The following PTPN14 variants were observed in gnomAD, a reference collection of about 807,000 sequenced individuals.
The protein encoded by PTPN14 is tyrosine-protein phosphatase non-receptor type 14.
In PTPN14, 53 loss-of-function variants were observed where a neutral mutation model predicts 126.8. That is an observed-to-expected ratio of 0.42 (90% CI 0.34 to 0.53). PTPN14 has a LOEUF of 0.53. Ranked by LOEUF, PTPN14 falls within the 20% of genes least tolerant of loss-of-function variation. PTPN14 has a pLI of 0.08. For synonymous variants in PTPN14, 630 were observed against 599.3 expected (o/e 1.05, Z -0.75); for missense variants, 1,257 against 1,552.9 (o/e 0.81, Z 3.20).
At chr1:214,457,330 T>C (rs1660406040) in intron 2 of PTPN14, among the ~76,000 whole-genome samples, 1 of 152,196 alleles carries the variant, frequency 6.6e-6, no homozygotes, top group African/African-American at 2.4e-5. Flanking sequence ...TTAAAAGCTT[T>C]TTTACACTCT....
At position 214,369,438 on chromosome 1, in the gene PTPN14, TG is replaced by T. The variant is rs751111529; in HGVS notation, c.3271+18del. ...CATAAAAGTCAGTCAGGTAGCAGAC[TG>T]GGAAGAAAAACACTTACATAAAAAT... On this transcript the variant is annotated intron_variant, in intron 17 of 18. Coordinates refer to ENST00000366956, the MANE Select transcript of PTPN14 (RefSeq NM_005401.5). 2 of 1,603,546 alleles carry T rather than the reference TG, an allele frequency of 1.2e-6. No homozygotes were observed. Among genetic ancestry groups the T allele is most frequent in the Non-Finnish European group, 1.7e-6 (2 of 1,170,614 alleles).
In PTPN14 at chr1:214,356,513, G is replaced by C. The variant is rs1304979380; in HGVS notation, c.*1409C>G. On this transcript the variant is annotated 3_prime_UTR_variant, in exon 19 of 19. Coordinates refer to ENST00000366956, the MANE Select transcript of PTPN14 (RefSeq NM_005401.5). ...GTAAGAGGAAAAAAGTACAAAACATGATTTATTGTGTACCATCCTTGGAAA... is the reference window on the plus strand; with the variant it reads ...GTAAGAGGAAAAAAGTACAAAACATCATTTATTGTGTACCATCCTTGGAAA... 6.6e-6 allele frequency: 1 copy of C among 152,166 alleles called. No homozygotes were observed. The highest frequency in any genetic ancestry group is 6.5e-5 in the Admixed American group (1 of 15,284). The allele number at this position is 152,166 out of a possible 1,614,324, so 9.4% of individuals were successfully genotyped here. A position where few individuals can be genotyped will look rare whatever the true frequency, so the allele number is the denominator to read the frequency against.
chr1:214,503,109 T>C (rs1186393398), intron 1 of PTPN14, among the ~76,000 whole-genome samples: 1 of 152,176 alleles, frequency 6.6e-6, no homozygotes, highest in Non-Finnish European at 1.5e-5. Flanking sequence ...TAGCATACAC[T>C]TGGAGAAACA....
intron 1 of PTPN14, among the ~76,000 whole-genome samples, chr1:214,485,415 G>A (rs1172346078): frequency 6.6e-6 from 1 of 152,194 alleles, no homozygotes; most frequent in African/African-American, 2.4e-5. Flanking sequence ...GGAACAAGAG[G>A]AGCATTTCAT....
At chr1:214,390,863 T>A (rs1658733624) in intron 11 of PTPN14, 125 bp downstream of exon 11, 6 of 712,856 alleles carry the variant, frequency 8.4e-6, no homozygotes, top group Non-Finnish European at 1.3e-5. Flanking sequence ...CTTGACAGAA[T>A]GACGCCTCTG....
chr1:214,414,779 T>C, intron 3 of PTPN14, 53 bp from the exon 4 acceptor site: 3 of 1,416,144 alleles, frequency 2.1e-6, no homozygotes, highest in South Asian at 2.3e-5. Flanking sequence ...ACTTGGAATA[T>C]ATTCCCACAA....
chr1:214,474,867 C>T (rs1179044653), intron 1 of PTPN14, among the ~76,000 whole-genome samples: 1 of 152,194 alleles, frequency 6.6e-6, no homozygotes, highest in African/African-American at 2.4e-5. Context: ...TCCAGAGAGA[C>T]ATGATTTTCC....
intron 1 of PTPN14, among the ~76,000 whole-genome samples, chr1:214,497,513 T>A (rs937609547): frequency 6.6e-6 from 1 of 152,214 alleles, no homozygotes; most frequent in African/African-American, 2.4e-5. Context: ...CATTCCACTT[T>A]TAATCTATGC....
intron 1 of PTPN14, among the ~76,000 whole-genome samples, chr1:214,494,124 G>A (rs568069114): frequency 6.6e-6 from 1 of 152,060 alleles, no homozygotes; most frequent in South Asian, 2.1e-4. Flanking sequence ...AGGCTGGAGT[G>A]CAGTGGCGCG....
rs2102509437 is a variant in PTPN14 at position 214,364,120 on chromosome 1, A to G, written c.3435+392T>C. ...CACATTTTCACCTAGCATTTAGGCC[A>G]GAACACATCCTAGAAATGCAAGATG... On this transcript the variant is annotated intron_variant, in intron 18 of 18. Transcript: ENST00000366956. This position sits in a 1 kb window ranked among gnomAD's most constrained non-coding sequence, Gnocchi z 4.1. Among the ~76,000 whole-genome samples, 1 of 152,358 alleles carries G rather than the reference A, an allele frequency of 6.6e-6. No homozygotes were observed. Among genetic ancestry groups the G allele is most frequent in the African/African-American group, 2.4e-5 (1 of 41,600 alleles).
rs537014950 is a variant in PTPN14 at position 214,364,747 on chromosome 1, C to T, written c.3272-72G>A. 1.3e-4 allele frequency: 181 copies of T among 1,351,324 alleles called. No individual in the cohort carries two copies. The highest frequency in any genetic ancestry group is 5.4e-4 in the Admixed American group (28 of 52,126). The allele number at this position is 1,351,324 out of a possible 1,614,324, so 83.7% of individuals were successfully genotyped here. ...CGCATGTAAGTTGGGGAGGGGGGAG[C>T]GGAAGAGAACTGATGGTGAGTGTGT... is the stretch of plus-strand genomic sequence containing the variant. On this transcript the variant is annotated intron_variant, in intron 17 of 18. Coordinates refer to ENST00000366956, the MANE Select transcript of PTPN14 (RefSeq NM_005401.5). This position sits in a 1 kb window ranked among gnomAD's most constrained non-coding sequence, Gnocchi z 4.1.
intron 3 of PTPN14, among the ~76,000 whole-genome samples, chr1:214,415,123 T>C (rs1414945073): frequency 6.6e-6 from 1 of 152,178 alleles, no homozygotes; most frequent in Non-Finnish European, 1.5e-5. Flanking sequence ...TAGAAACACA[T>C]CACCTTTCAA....
At chr1:214,525,853 G>A (rs1655378899) in intron 1 of PTPN14, among the ~76,000 whole-genome samples, 1 of 152,168 alleles carries the variant, frequency 6.6e-6, no homozygotes, top group Non-Finnish European at 1.5e-5. Context: ...ATGGGGGATG[G>A]TAGGAGGAGG....
chr1:214,443,532 A>G (rs1282635629), intron 3 of PTPN14, among the ~76,000 whole-genome samples: 2 of 152,074 alleles, frequency 1.3e-5, no homozygotes, highest in Admixed American at 1.3e-4. Context: ...CAGTAAATCC[A>G]CCGATACTTA....
At chr1:214,396,137 A>T (rs1204802253) in intron 8 of PTPN14, among the ~76,000 whole-genome samples, 2 of 152,200 alleles carry the variant, frequency 1.3e-5, no homozygotes, top group Non-Finnish European at 2.9e-5. Flanking sequence ...AAGAATAAAA[A>T]GCAATAATAT....
chr1:214,364,896 G>A lies in PTPN14; in HGVS notation c.3272-221C>T, dbSNP rs999039443. Among the ~76,000 whole-genome samples the A allele has an allele frequency of 1.3e-5, 2 of 151,838 alleles. No homozygotes were observed. Among genetic ancestry groups the A allele is most frequent in the Non-Finnish European group, 2.9e-5 (2 of 67,976 alleles). ...GTCCTGGATCCAGACAGGACCAGCT[G>A]GGAGTCAATTAGTTCGTGGGAGAAT... On this transcript the variant is annotated intron_variant, in intron 17 of 18. Coordinates refer to ENST00000366956, the MANE Select transcript of PTPN14 (RefSeq NM_005401.5). The surrounding 1 kb of genome is among the most constrained non-coding windows in gnomAD (Gnocchi z 4.1).
intron 1 of PTPN14, among the ~76,000 whole-genome samples, chr1:214,493,914 T>G (rs1023132484): frequency 1.3e-5 from 2 of 152,152 alleles, no homozygotes; most frequent in African/African-American, 4.8e-5. Context: ...AATTTAAAAA[T>G]ACAAATAAGT....
At chr1:214,549,796 G>A (rs1656061288) in intron 1 of PTPN14, among the ~76,000 whole-genome samples, 1 of 152,210 alleles carries the variant, frequency 6.6e-6, no homozygotes, top group South Asian at 2.1e-4. Context: ...GCATGGAGGT[G>A]TATCCAATTA....
At chr1:214,524,943 T>G (rs558326864) in intron 1 of PTPN14, among the ~76,000 whole-genome samples, 28 of 152,138 alleles carry the variant, frequency 1.8e-4, no homozygotes, top group Non-Finnish European at 3.8e-4. Context: ...TCAAAACAAA[T>G]TAATGTAGTA....
Sources: gnomAD v4.1 joint callset for allele counts (sites outside exome capture counted in the v4.1 genomes callset) on GRCh38, gnomAD v4.1.1 for gene constraint, Gnocchi (gnomAD v3.1) non-coding constraint, MANE v1.5 for transcripts, NCBI Gene and HGNC (gene_info 2026-07-23, HGNC 2026-07-21) for gene names.